The following MAST4 variants were observed in gnomAD, a reference collection of about 807,000 sequenced individuals.
MAST4 encodes the protein microtubule-associated serine/threonine-protein kinase 4.
MAST4 carries 89 observed loss-of-function variants against 162.7 expected under a neutral mutation model. That is an observed-to-expected ratio of 0.55 (90% CI 0.46 to 0.65). The LOEUF is 0.65. MAST4 is among the 30% of genes least tolerant of loss of function. The probability of loss-of-function intolerance (pLI) is 0.00; values close to 1 mark genes in which losing one functional copy is unlikely to be tolerated. For synonymous variants in MAST4, 1,479 were observed against 1,361.1 expected (o/e 1.09, Z -1.91); for missense variants, 3,153 against 3,374.0 (o/e 0.93, Z 1.62).
At chr5:66,944,089 G>C (rs1743685097) in intron 4 of MAST4, among the ~76,000 whole-genome samples, 1 of 152,086 alleles carries the variant, frequency 6.6e-6, no homozygotes. Context: ...GGTATTTTCT[G>C]ATTTTGCTAT....
intron 1 of MAST4, among the ~76,000 whole-genome samples, chr5:66,656,600 TA>T (rs919202338): frequency 2.4e-4 from 36 of 152,236 alleles, no homozygotes; most frequent in African/African-American, 8.2e-4. Context: ...TAGATTCGAT[TA>T]AAAAAACTCT....
intron 4 of MAST4, among the ~76,000 whole-genome samples, chr5:66,993,318 AT>A (rs1750253527): frequency 1.3e-5 from 2 of 152,190 alleles, no homozygotes; most frequent in Admixed American, 1.3e-4. Flanking sequence ...CCTTAGAAAA[AT>A]GTGTGTGCAA....
intron 3 of MAST4, among the ~76,000 whole-genome samples, chr5:66,867,382 A>T (rs1760608355): frequency 6.6e-6 from 1 of 152,220 alleles, no homozygotes; most frequent in Non-Finnish European, 1.5e-5. Flanking sequence ...ATATGTTTAC[A>T]TGATGCAAAT....
At chr5:66,988,578 C>T (rs1749756759) in intron 4 of MAST4, among the ~76,000 whole-genome samples, 1 of 152,160 alleles carries the variant, frequency 6.6e-6, no homozygotes, top group Admixed American at 6.5e-5. Context: ...CCCCATTTTA[C>T]AGAATAGGAA....
At chr5:66,599,200 GT>G (rs1173607743) in intron 1 of MAST4, among the ~76,000 whole-genome samples, 1 of 152,198 alleles carries the variant, frequency 6.6e-6, no homozygotes, top group Non-Finnish European at 1.5e-5. Context: ...AGGGGTTGAA[GT>G]CCAGTGTGCA....
At chr5:67,058,332 A>T (rs536897719) in intron 5 of MAST4, among the ~76,000 whole-genome samples, 1 of 152,298 alleles carries the variant, frequency 6.6e-6, no homozygotes, top group East Asian at 1.9e-4. Flanking sequence ...GGTTGATGTG[A>T]ATTAGTGTAA....
At chr5:66,662,063 A>T (rs142924496) in intron 1 of MAST4, among the ~76,000 whole-genome samples, 1 of 151,866 alleles carries the variant, frequency 6.6e-6, no homozygotes, top group Non-Finnish European at 1.5e-5. Context: ...TATTCAGTGT[A>T]CTAGTTAATC....
intron 1 of MAST4, among the ~76,000 whole-genome samples, chr5:66,631,731 T>C (rs922961819): frequency 6.6e-6 from 1 of 152,206 alleles, no homozygotes; most frequent in Admixed American, 6.5e-5. Context: ...TTTTACATTT[T>C]GCATGATTTA....
At chr5:66,697,320 T>C (rs987882091) in intron 1 of MAST4, among the ~76,000 whole-genome samples, 3 of 152,350 alleles carry the variant, frequency 2.0e-5, no homozygotes, top group Non-Finnish European at 4.4e-5. Context: ...CGATGTACGA[T>C]GTTTCAAAAT....
intron 19 of MAST4, 123 bp from the exon 20 acceptor site, chr5:67,141,992 A>T: frequency 9.9e-7 from 1 of 1,011,232 alleles, no homozygotes; most frequent in Non-Finnish European, 1.4e-6. Context: ...AAAAAGTATG[A>T]TTTTCATGTC....
At chr5:66,951,630 G>GTGTGTGTGTATGTA (rs1554072450) in intron 4 of MAST4, among the ~76,000 whole-genome samples, 22 of 147,126 alleles carry the variant, frequency 1.5e-4, no homozygotes, top group African/African-American at 5.3e-4. Flanking sequence ...GTGTGTGTGT[G>GTGTGTGTGTATGTA]TGTGTGTGTG....
At chr5:66,599,287 C>T (rs958071276) in intron 1 of MAST4, among the ~76,000 whole-genome samples, 3 of 152,104 alleles carry the variant, frequency 2.0e-5, no homozygotes, top group African/African-American at 7.2e-5. Context: ...TTGTGGGCCT[C>T]TTTAAGGAGC....
At chr5:66,966,794 GC>G in intron 4 of MAST4, among the ~76,000 whole-genome samples, 1 of 152,312 alleles carries the variant, frequency 6.6e-6, no homozygotes, top group African/African-American at 2.4e-5. Context: ...AAATAAAGGT[GC>G]CCCATAGCAG....
At chr5:66,640,309 CTT>C (rs770087325) in intron 1 of MAST4, among the ~76,000 whole-genome samples, 15 of 139,904 alleles carry the variant, frequency 1.1e-4, no homozygotes, top group Admixed American at 1.4e-4. Flanking sequence ...CAATTTGTTT[CTT>C]TTTTTTTTTT....
intron 13 of MAST4, among the ~76,000 whole-genome samples, chr5:67,119,869 G>A (rs1286262795): frequency 6.6e-6 from 1 of 150,478 alleles, no homozygotes; most frequent in South Asian, 2.1e-4. Context: ...GAGAGCCTTG[G>A]ACAGAGCCTT....
Position 66,808,362 on chromosome 5 carries a change from T to A in MAST4, c.642+19568T>A, listed in dbSNP as rs1756309160. On this transcript the variant is annotated intron_variant, in intron 3 of 28. Transcript: ENST00000403625. ...GGGCAGCCCCTCTGGCTTGCGAAGC[T>A]CTGTTCTGGTTTTCTAAACAACTCA... Among the ~76,000 whole-genome samples, 3 of 152,210 alleles carry A rather than the reference T, an allele frequency of 2.0e-5. No individual in the cohort carries two copies. In the South Asian group the frequency reaches 6.2e-4, roughly 31 times the overall value.
At chr5:67,057,650 C>T (rs1307984672) in intron 5 of MAST4, among the ~76,000 whole-genome samples, 2 of 134,842 alleles carry the variant, frequency 1.5e-5, no homozygotes, top group Non-Finnish European at 3.3e-5. Flanking sequence ...AAATCACAGG[C>T]TCTTATGTCC....
intron 5 of MAST4, among the ~76,000 whole-genome samples, chr5:67,075,059 T>C (rs948010730): frequency 6.6e-6 from 1 of 152,086 alleles, no homozygotes; most frequent in South Asian, 2.1e-4. Context: ...GTCAGCCCCA[T>C]GGTAGTGCTG....
rs1757592676 is a variant in MAST4, at chr5:66,831,479, A to G, written c.642+42685A>G. On this transcript the variant is annotated intron_variant, in intron 3 of 28. Transcript: ENST00000403625. ...TGTATTATGTGTTTAGTATAAAATGATGCAGTATGTATTTAGGACCAATTT... is the reference window on the plus strand; with the variant it reads ...TGTATTATGTGTTTAGTATAAAATGGTGCAGTATGTATTTAGGACCAATTT... Among the ~76,000 whole-genome samples the G allele has an allele frequency of 2.6e-5, 4 of 152,342 alleles. No homozygotes were observed. In the South Asian group the frequency reaches 8.3e-4, roughly 32 times the overall value.
Sources: allele counts gnomAD v4.1 joint callset (sites outside exome capture counted in the v4.1 genomes callset), GRCh38; gene constraint gnomAD v4.1.1; transcripts MANE v1.5; gene names NCBI Gene and HGNC (gene_info 2026-07-23, HGNC 2026-07-21).